Variants in ASTN2 observed in about 807,000 individuals in gnomAD.
The protein encoded by ASTN2 is astrotactin 2, also known as astrotactin-2.
A neutral mutation model predicts 139.8 loss-of-function variants in ASTN2; 54 were observed. The ratio of observed to expected loss-of-function variants is 0.39; its 90% CI spans 0.31 to 0.48. The LOEUF (loss-of-function observed/expected upper bound fraction) is 0.48. ASTN2 is among the 20% of genes least tolerant of loss of function. ASTN2 has a pLI of 0.95. For synonymous variants in ASTN2, 756 were observed against 719.5 expected, an observed-to-expected ratio of 1.05 and a Z score of -0.81; for missense variants, 1,565 against 1,725.1, an observed-to-expected ratio of 0.91 and a Z score of 1.64.
At chr9:116,958,584 G>C (rs953505889) in intron 10 of ASTN2, among the ~76,000 whole-genome samples, 5 of 151,930 alleles carry the variant, frequency 3.3e-5, no homozygotes, top group African/African-American at 9.7e-5. Flanking sequence ...GCTGGACTCC[G>C]TCTCAAAAAC....
intron 12 of ASTN2, among the ~76,000 whole-genome samples, chr9:116,814,279 C>G (rs2132260098): frequency 6.6e-6 from 1 of 152,258 alleles, no homozygotes; most frequent in Non-Finnish European, 1.5e-5. Context: ...ACCCTTCTAA[C>G]TGATATCATG....
chr9:117,329,769 G>A (rs992810934), intron 1 of ASTN2, among the ~76,000 whole-genome samples: 28 of 152,136 alleles, frequency 1.8e-4, no homozygotes, highest in Non-Finnish European at 2.4e-4. Flanking sequence ...AAAGATAGAC[G>A]ACTGTGATGA....
At chr9:116,599,905 A>T (rs1333869606) in intron 19 of ASTN2, among the ~76,000 whole-genome samples, 1 of 152,098 alleles carries the variant, frequency 6.6e-6, no homozygotes, top group Admixed American at 6.5e-5. Flanking sequence ...CTGTGTTCAG[A>T]CCAAGGTCAG....
intron 2 of ASTN2, among the ~76,000 whole-genome samples, chr9:117,235,623 T>C (rs2133064471): frequency 6.6e-6 from 1 of 152,312 alleles, no homozygotes; most frequent in Admixed American, 6.5e-5. Context: ...GCCTTTCCCT[T>C]CATTAGTACC....
rs1830173983 is a variant in ASTN2 at position 117,145,472 on chromosome 9, G to A, written c.1016-3994C>T. 1.3e-5 allele frequency among the ~76,000 whole-genome samples: 2 copies of A among 152,138 alleles called. 1 individual carries two copies. Among genetic ancestry groups the A allele is most frequent in the South Asian group, 4.1e-4 (2 of 4,830 alleles). ...GGGATGCCCCAGAAAGATATGGGAGGAATTTGAAGGTATTTCTTTCCTTGT... is the reference window on the plus strand; with the variant it reads ...GGGATGCCCCAGAAAGATATGGGAGAAATTTGAAGGTATTTCTTTCCTTGT... On this transcript the variant is annotated intron_variant, in intron 3 of 22. Coordinates refer to ENST00000313400, the MANE Select transcript of ASTN2 (RefSeq NM_001365068.1).
At chr9:116,682,212 G>A (rs1295946495) in intron 16 of ASTN2, among the ~76,000 whole-genome samples, 14 of 152,156 alleles carry the variant, frequency 9.2e-5, no homozygotes, top group East Asian at 3.9e-4. Context: ...AAAAGTGGAC[G>A]AAGGACATGA....
At chr9:116,729,565 T>C (rs1007755991) in intron 14 of ASTN2, among the ~76,000 whole-genome samples, 3 of 152,216 alleles carry the variant, frequency 2.0e-5, no homozygotes, top group African/African-American at 7.2e-5. Flanking sequence ...AGCCTATTTG[T>C]TATGTATTTT....
chr9:117,386,937 G>A (rs149832338), intron 1 of ASTN2, among the ~76,000 whole-genome samples: 1 of 152,308 alleles, frequency 6.6e-6, no homozygotes, highest in African/African-American at 2.4e-5. Context: ...ATGCAAGAAT[G>A]GGAGAAGCAG....
chr9:116,938,482 C>T lies in ASTN2; in HGVS notation c.1889+36726G>A, dbSNP rs117324483. Among the ~76,000 whole-genome samples the T allele has an allele frequency of 2.6e-3, 400 of 152,298 alleles. 1 individual carries two copies. Among genetic ancestry groups the T allele is most frequent in the African/African-American group, 6.0e-3 (250 of 41,552 alleles). Reference sequence around the variant, plus strand: ...GAGCACTGACATTACCTCCCCAGGGCGGATCAACGGCACTGCCCTTGAGCT... The same window carrying T: ...GAGCACTGACATTACCTCCCCAGGGTGGATCAACGGCACTGCCCTTGAGCT... On this transcript the variant is annotated intron_variant, in intron 10 of 22. Transcript: ENST00000313400.
intron 17 of ASTN2, among the ~76,000 whole-genome samples, chr9:116,644,961 C>T (rs1857515368): frequency 6.6e-6 from 1 of 152,120 alleles, no homozygotes; most frequent in Non-Finnish European, 1.5e-5. Flanking sequence ...GAAGCATGTC[C>T]AATGTCATAT....
chr9:116,448,080 C>T (rs1046139962), intron 20 of ASTN2, among the ~76,000 whole-genome samples: 2 of 152,186 alleles, frequency 1.3e-5, no homozygotes, highest in East Asian at 1.9e-4. Flanking sequence ...TAGGAGAATG[C>T]GTTTGAAGTC....
At chr9:116,915,091 C>T (rs920919714) in intron 10 of ASTN2, among the ~76,000 whole-genome samples, 12 of 152,178 alleles carry the variant, frequency 7.9e-5, no homozygotes, top group Non-Finnish European at 1.6e-4. Context: ...CTTAGGGATG[C>T]CTCATTTTGA....
At chr9:116,536,533 T>C (rs2119322843) in intron 19 of ASTN2, among the ~76,000 whole-genome samples, 1 of 152,306 alleles carries the variant, frequency 6.6e-6, no homozygotes, top group Admixed American at 6.5e-5. Context: ...GATGGGGTTT[T>C]GGTGTGGATG....
intron 2 of ASTN2, among the ~76,000 whole-genome samples, chr9:117,240,300 A>C (rs573332803): frequency 3.9e-5 from 6 of 152,214 alleles, no homozygotes; most frequent in African/African-American, 1.4e-4. Context: ...GGCAAAGCTG[A>C]GATTTGAATC....
chr9:116,540,956 TTTCCCCTAGTTTTGAAACTAGGGGAA>T (rs1851852905), intron 19 of ASTN2, among the ~76,000 whole-genome samples: 1 of 151,866 alleles, frequency 6.6e-6, no homozygotes, highest in African/African-American at 2.4e-5. Context: ...TACAAAAGTT[TTTCCCCTAGTTTTGAAACTAGGGGAA>T]AAAGTTTGAA....
chr9:116,724,432 C>T (rs1828560517), intron 16 of ASTN2, among the ~76,000 whole-genome samples: 1 of 152,108 alleles, frequency 6.6e-6, no homozygotes, highest in African/African-American at 2.4e-5. Context: ...GCAAAGCCCC[C>T]AGGGACAAAA....
chr9:117,359,199 C>T (rs1219683326), intron 1 of ASTN2, among the ~76,000 whole-genome samples: 1 of 152,138 alleles, frequency 6.6e-6, no homozygotes, highest in Non-Finnish European at 1.5e-5. Flanking sequence ...CTTGAGCAAG[C>T]TGCTTCAAAC....
intron 10 of ASTN2, among the ~76,000 whole-genome samples, chr9:116,971,434 C>T (rs920506031): frequency 6.6e-6 from 1 of 152,176 alleles, no homozygotes; most frequent in Non-Finnish European, 1.5e-5. Context: ...TTCCCTCAGT[C>T]GGATACATCT....
At chr9:116,569,726 G>A (rs181317018) in intron 19 of ASTN2, among the ~76,000 whole-genome samples, 4 of 152,306 alleles carry the variant, frequency 2.6e-5, no homozygotes, top group South Asian at 2.1e-4. Context: ...GGTAGGCTGC[G>A]TGATGATGGA....
Sources: allele counts gnomAD v4.1 joint callset (sites outside exome capture counted in the v4.1 genomes callset), GRCh38; gene constraint gnomAD v4.1.1; transcripts MANE v1.5; gene names NCBI Gene and HGNC (gene_info 2026-07-23, HGNC 2026-07-21).